Variants in ATRNL1 observed in about 807,000 individuals in gnomAD.
The protein encoded by ATRNL1 is attractin like 1.
Under a neutral mutation model 182.7 loss-of-function variants are expected in ATRNL1, and 95 were observed. The observed-to-expected ratio is 0.52, with a 90% CI of 0.44 to 0.62. ATRNL1 has a LOEUF of 0.62. ATRNL1 is among the 20% of genes least tolerant of loss of function. ATRNL1 has a pLI of 0.00. For missense variants in ATRNL1, 1,471 were observed against 1,679.5 expected (o/e 0.88, Z 2.17); for synonymous variants, 576 against 568.3 (o/e 1.01, Z -0.19).
chr10:115,872,793 CT>C (rs1375382630), intron 28 of ATRNL1, among the ~76,000 whole-genome samples: 1 of 152,146 alleles, frequency 6.6e-6, no homozygotes, highest in Non-Finnish European at 1.5e-5. Flanking sequence ...CAGGCAGATG[CT>C]TCAGTTTGCC....
chr10:115,382,523 T>G (rs1858076947), intron 19 of ATRNL1, among the ~76,000 whole-genome samples: 1 of 151,980 alleles, frequency 6.6e-6, no homozygotes, highest in Admixed American at 6.5e-5. Context: ...TTTTATACAT[T>G]GATTTTATAT....
chr10:115,134,715 T>G (rs558787787), intron 5 of ATRNL1, among the ~76,000 whole-genome samples: 5 of 152,256 alleles, frequency 3.3e-5, no homozygotes, highest in East Asian at 1.9e-4. Flanking sequence ...TACCAAAGCC[T>G]GGCAGAGACA....
intron 27 of ATRNL1, among the ~76,000 whole-genome samples, chr10:115,802,402 G>A (rs1949819555): frequency 6.6e-6 from 1 of 152,102 alleles, no homozygotes; most frequent in Non-Finnish European, 1.5e-5. Flanking sequence ...TTGAAAAGAA[G>A]GGATGCTAAC....
At chr10:115,714,709 T>C (rs1947195478) in intron 26 of ATRNL1, among the ~76,000 whole-genome samples, 1 of 152,150 alleles carries the variant, frequency 6.6e-6, no homozygotes, top group Non-Finnish European at 1.5e-5. Context: ...GAAAGGGTAA[T>C]GAAGCATGTA....
At chr10:115,231,449 AAC>A (rs1849947789) in intron 9 of ATRNL1, among the ~76,000 whole-genome samples, 1 of 152,138 alleles carries the variant, frequency 6.6e-6, no homozygotes, top group South Asian at 2.1e-4. Context: ...GAAAAGTACT[AAC>A]AACTTTTTTG....
At chr10:115,569,342 A>G (rs1361390309) in intron 26 of ATRNL1, among the ~76,000 whole-genome samples, 1 of 152,070 alleles carries the variant, frequency 6.6e-6, no homozygotes, top group South Asian at 2.1e-4. Flanking sequence ...TTCATTTTGT[A>G]TGTGTGCAGG....
intron 10 of ATRNL1, among the ~76,000 whole-genome samples, chr10:115,264,825 T>A (rs1190759121): frequency 6.6e-6 from 1 of 151,684 alleles, no homozygotes; most frequent in Non-Finnish European, 1.5e-5. Context: ...TTTGATTTAG[T>A]ATTTAACTTT....
intron 27 of ATRNL1, among the ~76,000 whole-genome samples, chr10:115,813,613 A>G (rs1014429895): frequency 6.2e-4 from 94 of 152,332 alleles, no homozygotes; most frequent in African/African-American, 2.2e-3. Flanking sequence ...TATCACTAAC[A>G]TTTAAATAAC....
At chr10:115,447,145 T>C (rs1358933638) in intron 21 of ATRNL1, among the ~76,000 whole-genome samples, 5 of 151,824 alleles carry the variant, frequency 3.3e-5, no homozygotes, top group African/African-American at 1.2e-4. Flanking sequence ...TATGGAAATT[T>C]AAAATGTGTT....
chr10:115,627,287 A>G (rs1167899163), intron 26 of ATRNL1, among the ~76,000 whole-genome samples: 1 of 152,144 alleles, frequency 6.6e-6, no homozygotes, highest in Non-Finnish European at 1.5e-5. Flanking sequence ...ATAGAATTAC[A>G]CAGTATGTGA....
chr10:115,793,564 G>T (rs1555082230), intron 27 of ATRNL1, among the ~76,000 whole-genome samples: 2 of 151,962 alleles, frequency 1.3e-5, no homozygotes, highest in East Asian at 3.9e-4. Context: ...TAATAACGAT[G>T]CTTGAGGACC....
chr10:115,492,476 T>C (rs560775625), intron 24 of ATRNL1, among the ~76,000 whole-genome samples: 22 of 151,516 alleles, frequency 1.5e-4, no homozygotes, highest in African/African-American at 5.3e-4. Flanking sequence ...ATTTCCTTTT[T>C]TGGCTTTCTA....
chr10:115,159,282 G>A (rs1051981571), intron 5 of ATRNL1, among the ~76,000 whole-genome samples: 1 of 151,534 alleles, frequency 6.6e-6, no homozygotes, highest in African/African-American at 2.4e-5. Flanking sequence ...GAGCCCTAAA[G>A]TTTGATGAAA....
At chr10:115,822,196 A>G (rs945474250) in intron 27 of ATRNL1, among the ~76,000 whole-genome samples, 1 of 152,202 alleles carries the variant, frequency 6.6e-6, no homozygotes, top group African/African-American at 2.4e-5. Flanking sequence ...AAATAACAAA[A>G]TGAAGGCAGA....
chr10:115,740,605 A>G (rs984767764), intron 27 of ATRNL1, among the ~76,000 whole-genome samples: 5 of 152,140 alleles, frequency 3.3e-5, no homozygotes, highest in African/African-American at 7.2e-5. Flanking sequence ...TCCCGGGTTC[A>G]TGCAATTCTT....
chr10:115,540,306 G>A (rs542710165), intron 25 of ATRNL1, among the ~76,000 whole-genome samples: 54 of 152,072 alleles, frequency 3.6e-4, no homozygotes, highest in East Asian at 1.9e-3. Context: ...TAGCCCTCCC[G>A]CTGCACTGAC....
At chr10:115,251,362 G>C (rs1554905334) in intron 10 of ATRNL1, among the ~76,000 whole-genome samples, 1 of 152,200 alleles carries the variant, frequency 6.6e-6, no homozygotes, top group Admixed American at 6.5e-5. Flanking sequence ...AAATGTGGTA[G>C]GTGTTGTGCC....
At chr10:115,140,735 A>G (rs920049313) in intron 5 of ATRNL1, among the ~76,000 whole-genome samples, 2 of 152,140 alleles carry the variant, frequency 1.3e-5, no homozygotes, top group Admixed American at 1.3e-4. Flanking sequence ...TACAGTTCTC[A>G]TATAAGGATT....
intron 26 of ATRNL1, among the ~76,000 whole-genome samples, chr10:115,662,011 G>A (rs1281173927): frequency 2.0e-5 from 3 of 146,994 alleles, no homozygotes; most frequent in African/African-American, 7.5e-5. Flanking sequence ...TCCCACCTAT[G>A]AGTGAGAACA....
Sources: gnomAD v4.1 joint callset for allele counts (sites outside exome capture counted in the v4.1 genomes callset) on GRCh38, gnomAD v4.1.1 for gene constraint, MANE v1.5 for transcripts, NCBI Gene and HGNC (gene_info 2026-07-23, HGNC 2026-07-21) for gene names.